Variants in SEPHS1 observed in about 807,000 individuals in gnomAD.
SEPHS1 encodes zincore component SEPHS1.
Under a neutral mutation model 39.2 loss-of-function variants are expected in SEPHS1, and 7 were observed. That is an observed-to-expected ratio of 0.18 (90% CI 0.10 to 0.34). SEPHS1 has a LOEUF of 0.34. SEPHS1 is among the 10% of genes least tolerant of loss of function. SEPHS1 has a pLI of 1.00. For synonymous variants in SEPHS1, 190 were observed against 195.5 expected (o/e 0.97, Z 0.23); for missense variants, 253 against 514.5 (o/e 0.49, Z 4.92).
intron 2 of SEPHS1, among the ~76,000 whole-genome samples, chr10:13,342,216 G>A (rs1319812322): frequency 5.9e-5 from 9 of 151,402 alleles, no homozygotes; most frequent in Admixed American, 1.3e-4. Context: ...GCAATGAGCG[G>A]AGATCGCGCC....
At chr10:13,335,787 C>CT (rs1178160521) in intron 4 of SEPHS1, among the ~76,000 whole-genome samples, 2 of 151,890 alleles carry the variant, frequency 1.3e-5, no homozygotes, top group African/African-American at 4.8e-5. Context: ...CAGGAACAGC[C>CT]TGGCCAACGT....
At chr10:13,342,518 G>T (rs1049697478) in intron 2 of SEPHS1, among the ~76,000 whole-genome samples, 13 of 151,832 alleles carry the variant, frequency 8.6e-5, no homozygotes, top group Non-Finnish European at 1.6e-4. Flanking sequence ...CCTGGGAAGC[G>T]GAGGTTGCAG....
In SEPHS1 at chr10:13,345,979, G is replaced by T. The variant is rs190495030; in HGVS notation, c.-78-951C>A. On this transcript the variant is annotated intron_variant, in intron 1 of 8. Coordinates refer to ENST00000327347, the MANE Select transcript of SEPHS1 (RefSeq NM_012247.5). ...GTGGCAGTTTAACACAGTAAGGTCTGTGTTCTTCAGGCGAAAGCCTGGAAA... is the reference window on the plus strand; with the variant it reads ...GTGGCAGTTTAACACAGTAAGGTCTTTGTTCTTCAGGCGAAAGCCTGGAAA... Among the ~76,000 whole-genome samples the T allele has an allele frequency of 8.5e-4, 130 of 152,384 alleles. 2 individuals are homozygous for T. Among genetic ancestry groups the T allele is most frequent in the African/African-American group, 3.1e-3 (127 of 41,590 alleles).
rs145348335 is a variant in SEPHS1 at position 13,336,327 on chromosome 10, G to A, written c.321C>T (p.Val107=). 184 of 1,613,814 alleles carry A rather than the reference G, an allele frequency of 1.1e-4. No homozygotes were observed. In the African/African-American group the frequency reaches 2.3e-3, roughly 20 times the overall value. The change falls in exon 4 of 9, where the codon GTC becomes GTT. Residue 107 remains valine, a synonymous_variant. Transcript: ENST00000327347. ...YMMGRIACAN[V]LSDLYAMGVT... is the part of the protein sequence containing the mutation. ...CCCCCATTGCATAGAGGTCACTGAG[G>A]ACATTGGCACACGCTATCCTGCCCT...
At chr10:13,322,382 G>C (rs956889052) in intron 8 of SEPHS1, among the ~76,000 whole-genome samples, 5 of 151,982 alleles carry the variant, frequency 3.3e-5, no homozygotes, top group African/African-American at 7.2e-5. Flanking sequence ...CTGATCTCAC[G>C]TGATGTGCCT....
intron 6 of SEPHS1, 58 bp downstream of exon 6, chr10:13,329,640 A>C: frequency 7.3e-7 from 1 of 1,367,890 alleles, no homozygotes; most frequent in Non-Finnish European, 1.0e-6. Context: ...TCCTCCAACA[A>C]AAATTACCTG....
chr10:13,321,867 G>A (rs955313328), intron 8 of SEPHS1, among the ~76,000 whole-genome samples: 7 of 152,132 alleles, frequency 4.6e-5, no homozygotes, highest in African/African-American at 1.7e-4. Context: ...CCGGACAGAT[G>A]TGGCCACCAA....
At chr10:13,329,209 T>C (rs1564446494) in intron 6 of SEPHS1, among the ~76,000 whole-genome samples, 2 of 152,046 alleles carry the variant, frequency 1.3e-5, no homozygotes, top group Admixed American at 6.6e-5. Flanking sequence ...GATAGATTCA[T>C]TCTGCACAAG....
chr10:13,336,096 C>T (rs975756056), intron 4 of SEPHS1, 147 bp downstream of exon 4: 1 of 526,846 alleles, frequency 1.9e-6, no homozygotes, highest in Non-Finnish European at 3.4e-6. Context: ...TTACTGGTAA[C>T]TGCCAAAAAG....
chr10:13,336,165 G>T, intron 4 of SEPHS1, 78 bp downstream of exon 4: 1 of 985,444 alleles, frequency 1.0e-6, no homozygotes. Context: ...TTTCTAGATG[G>T]GAAACCAAGT....
chr10:13,331,464 C>T (rs757436972), intron 5 of SEPHS1, among the ~76,000 whole-genome samples: 1 of 152,086 alleles, frequency 6.6e-6, no homozygotes, highest in African/African-American at 2.4e-5. Flanking sequence ...TGGCTCACTG[C>T]AACCTCCGCC....
At chr10:13,339,189 T>C (rs982448180) in intron 2 of SEPHS1, among the ~76,000 whole-genome samples, 3 of 152,256 alleles carry the variant, frequency 2.0e-5, no homozygotes, top group Admixed American at 6.5e-5. Context: ...ACTTGGGTTA[T>C]CTTAAGTATA....
chr10:13,324,089 C>A (rs1000281568), intron 7 of SEPHS1, among the ~76,000 whole-genome samples: 6 of 152,162 alleles, frequency 3.9e-5, no homozygotes, highest in African/African-American at 1.4e-4. Flanking sequence ...TCTACCTGAT[C>A]CCCTTCCTCT....
chr10:13,318,301 C>T lies in SEPHS1; in HGVS notation c.*841G>A, dbSNP rs189003629. On this transcript the variant is annotated 3_prime_UTR_variant, in exon 9 of 9. Coordinates refer to ENST00000327347, the MANE Select transcript of SEPHS1 (RefSeq NM_012247.5). ...AAAATGTATTAAACACTACCATCCA[C>T]AGAACAGTCTTTACTATTGATTATA... The T allele has an allele frequency of 2.0e-5, 3 of 152,680 alleles. No individual in the cohort carries two copies. Among genetic ancestry groups the T allele is most frequent in the African/African-American group, 7.2e-5 (3 of 41,560 alleles). 9.5% of individuals were successfully genotyped at this position (152,680 alleles called of 1,614,324 possible).
intron 7 of SEPHS1, among the ~76,000 whole-genome samples, chr10:13,324,980 C>T (rs1833223399): frequency 6.6e-6 from 1 of 152,172 alleles, no homozygotes; most frequent in South Asian, 2.1e-4. Context: ...TGGTGTCTGT[C>T]AAGGTCTTTG....
chr10:13,320,846 A>C (rs1426928869), intron 8 of SEPHS1, among the ~76,000 whole-genome samples: 1 of 152,014 alleles, frequency 6.6e-6, no homozygotes, highest in Non-Finnish European at 1.5e-5. Flanking sequence ...AAAACTTCCT[A>C]TTTCTGAAGA....
At chr10:13,333,633 G>A (rs975213490) in intron 5 of SEPHS1, among the ~76,000 whole-genome samples, 184 bp downstream of exon 5, 1 of 151,878 alleles carries the variant, frequency 6.6e-6, no homozygotes, top group Non-Finnish European at 1.5e-5. Flanking sequence ...TAGAGACAGG[G>A]TTTCGCCACA....
intron 3 of SEPHS1, among the ~76,000 whole-genome samples, chr10:13,336,928 A>C (rs1035878731): frequency 6.6e-6 from 1 of 152,224 alleles, no homozygotes; most frequent in Admixed American, 6.5e-5. Context: ...AATCAGGTGG[A>C]TCACTTGAGG....
At chr10:13,322,424 G>C (rs1833144973) in intron 8 of SEPHS1, among the ~76,000 whole-genome samples, 1 of 152,072 alleles carries the variant, frequency 6.6e-6, no homozygotes, top group Non-Finnish European at 1.5e-5. Flanking sequence ...AGTATTACAG[G>C]CAAGAGCCAC....
Sources: gnomAD v4.1 joint callset for allele counts (sites outside exome capture counted in the v4.1 genomes callset) on GRCh38, gnomAD v4.1.1 for gene constraint, MANE v1.5 for transcripts, NCBI Gene and HGNC (gene_info 2026-07-23, HGNC 2026-07-21) for gene names.